EXOC4: variants seen among roughly 807,000 people sequenced by gnomAD.
EXOC4 encodes exocyst complex component 4, also known as SEC8-like 1.
A neutral mutation model predicts 107.2 loss-of-function variants in EXOC4; 71 were observed. That is an observed-to-expected ratio of 0.66 (90% CI 0.55 to 0.81). EXOC4 has a LOEUF of 0.81. Ranked by LOEUF, EXOC4 falls within the 30% of genes least tolerant of loss-of-function variation. The pLI is 0.00. For missense variants in EXOC4, 1,108 were observed against 1,189.6 expected, an observed-to-expected ratio of 0.93 and a Z score of 1.01; for synonymous variants, 456 against 441.2, an observed-to-expected ratio of 1.03 and a Z score of -0.42.
intron 7 of EXOC4, among the ~76,000 whole-genome samples, chr7:133,448,360 C>T (rs1183149187): frequency 2.6e-5 from 4 of 151,888 alleles, no homozygotes; most frequent in Non-Finnish European, 2.9e-5. Context: ...TACAGTGGTG[C>T]GATCATGGCT....
intron 10 of EXOC4, among the ~76,000 whole-genome samples, chr7:133,806,183 A>G (rs1797072829): frequency 1.3e-5 from 2 of 152,242 alleles, no homozygotes; most frequent in African/African-American, 4.8e-5. Flanking sequence ...TGAACTTAAG[A>G]TTTAATATAA....
intron 1 of EXOC4, among the ~76,000 whole-genome samples, chr7:133,258,529 G>T (rs1026676917): frequency 6.6e-6 from 1 of 152,028 alleles, no homozygotes; most frequent in African/African-American, 2.4e-5. Flanking sequence ...GTGTTTTTTT[G>T]GAACATCACA....
At chr7:134,006,281 T>C (rs575468672) in intron 16 of EXOC4, among the ~76,000 whole-genome samples, 2 of 152,156 alleles carry the variant, frequency 1.3e-5, no homozygotes, top group African/African-American at 4.8e-5. Context: ...CCACGTTATA[T>C]TGTGGCAGCA....
intron 7 of EXOC4, among the ~76,000 whole-genome samples, chr7:133,394,923 A>G (rs1157976140): frequency 6.6e-6 from 1 of 151,394 alleles, no homozygotes; most frequent in Non-Finnish European, 1.5e-5. Flanking sequence ...AAGAAAAAAA[A>G]AGGGAAAAAA....
intron 7 of EXOC4, among the ~76,000 whole-genome samples, chr7:133,409,593 G>GCCA (rs1435700891): frequency 8.5e-5 from 13 of 152,114 alleles, no homozygotes; most frequent in Non-Finnish European, 1.9e-4. Flanking sequence ...ACTTTCTGCT[G>GCCA]TCATCATCCT....
intron 10 of EXOC4, among the ~76,000 whole-genome samples, chr7:133,708,720 A>T (rs1794820648): frequency 6.6e-6 from 1 of 152,246 alleles, no homozygotes; most frequent in Admixed American, 6.5e-5. Context: ...CACAGCTTGT[A>T]AGTAACTGGA....
At chr7:133,841,497 C>A (rs1798023617) in intron 11 of EXOC4, among the ~76,000 whole-genome samples, 1 of 152,154 alleles carries the variant, frequency 6.6e-6, no homozygotes, top group African/African-American at 2.4e-5. Flanking sequence ...AAGGCTTTTT[C>A]TGCTGCAGCT....
chr7:133,809,685 G>T (rs998743035), intron 10 of EXOC4, among the ~76,000 whole-genome samples: 11 of 152,200 alleles, frequency 7.2e-5, no homozygotes, highest in African/African-American at 2.7e-4. Flanking sequence ...CTATATTAAT[G>T]TGTACGTTAT....
At chr7:133,629,209 CT>C (rs113683701) in intron 9 of EXOC4, among the ~76,000 whole-genome samples, 5 of 149,738 alleles carry the variant, frequency 3.3e-5, no homozygotes, top group South Asian at 2.1e-4. Context: ...AATAGCAGGA[CT>C]TTTTTTTTTC....
chr7:133,987,752 A>G (rs1794152578), intron 14 of EXOC4, among the ~76,000 whole-genome samples: 1 of 152,084 alleles, frequency 6.6e-6, no homozygotes, highest in African/African-American at 2.4e-5. Context: ...TCCCTTTTCA[A>G]TTTCTCACTT....
chr7:133,896,209 C>A (rs1799303098), intron 12 of EXOC4, among the ~76,000 whole-genome samples: 1 of 152,120 alleles, frequency 6.6e-6, no homozygotes, highest in African/African-American at 2.4e-5. Context: ...GCATCAGTAG[C>A]AATGAAAAAC....
At chr7:134,068,792 A>G (rs1195488138), downstream of EXOC4, among the ~76,000 whole-genome samples, 2 of 152,188 alleles carry the variant, frequency 1.3e-5, no homozygotes, top group African/African-American at 4.8e-5. Context: ...TTGGGAGGAA[A>G]AACTCCAATA....
At chr7:133,555,944 C>A (rs1800682100) in intron 9 of EXOC4, among the ~76,000 whole-genome samples, 1 of 152,130 alleles carries the variant, frequency 6.6e-6, no homozygotes, top group South Asian at 2.1e-4. Flanking sequence ...TTAGTTGTTG[C>A]CTTTAGTTAA....
intron 11 of EXOC4, among the ~76,000 whole-genome samples, chr7:133,855,516 G>A (rs563607487): frequency 7.9e-5 from 12 of 152,124 alleles, no homozygotes; most frequent in African/African-American, 2.9e-4. Context: ...AGGACCCTGG[G>A]ATTCACATTT....
intron 5 of EXOC4, among the ~76,000 whole-genome samples, chr7:133,338,144 C>G (rs570538583): frequency 2.6e-5 from 4 of 151,220 alleles, no homozygotes; most frequent in Admixed American, 2.0e-4. Flanking sequence ...GTTTGTTACT[C>G]TTAAAAAATT....
At chr7:133,955,931 G>A (rs1229135878) in intron 14 of EXOC4, among the ~76,000 whole-genome samples, 1 of 152,230 alleles carries the variant, frequency 6.6e-6, no homozygotes, top group Non-Finnish European at 1.5e-5. Flanking sequence ...GCACTTCTGA[G>A]CCTTCAGGGG....
chr7:133,787,961 A>ATT lies in EXOC4; in HGVS notation c.1515-29362_1515-29361dup, dbSNP rs1423284178. On this transcript the variant is annotated intron_variant, in intron 10 of 17. Transcript: ENST00000253861. ...TTCTTCCCTGTGCATATATTTATAT[A>ATT]TTTATATATATATATATATATATAT... is the stretch of plus-strand genomic sequence containing the variant. 6.7e-3 allele frequency among the ~76,000 whole-genome samples: 97 copies of ATT among 14,540 alleles called. 3 individuals carry two copies. Among genetic ancestry groups the ATT allele is most frequent in the Middle Eastern group, 0.028 (1 of 36 alleles). The allele number at this position is 14,540 out of a possible 152,430, so 9.5% of individuals were successfully genotyped here.
intron 3 of EXOC4, among the ~76,000 whole-genome samples, chr7:133,300,288 C>T (rs1051558393): frequency 2.0e-5 from 3 of 152,194 alleles, no homozygotes; most frequent in Admixed American, 6.5e-5. Flanking sequence ...ACTCTGTCTT[C>T]AGTACCAGAC....
At chr7:134,067,423 C>G (rs1463513454), downstream of EXOC4, among the ~76,000 whole-genome samples, 1 of 152,018 alleles carries the variant, frequency 6.6e-6, no homozygotes, top group East Asian at 1.9e-4. Context: ...CCAGAGAGCA[C>G]TTCCTTCTAA....
Sources: allele counts gnomAD v4.1 joint callset (sites outside exome capture counted in the v4.1 genomes callset), GRCh38; gene constraint gnomAD v4.1.1; transcripts MANE v1.5; gene names NCBI Gene and HGNC (gene_info 2026-07-23, HGNC 2026-07-21).